TRPM3: variants seen among roughly 807,000 people sequenced by gnomAD.
TRPM3 encodes the protein transient receptor potential cation channel subfamily M member 3.
In TRPM3, 77 loss-of-function variants were observed where a neutral mutation model predicts 181.2. The ratio of observed to expected loss-of-function variants is 0.42; its 90% CI spans 0.35 to 0.51. The LOEUF is 0.51. TRPM3 is among the 20% of genes least tolerant of loss of function. The pLI is 0.01. For missense variants in TRPM3, 1,759 were observed against 2,196.7 expected, an observed-to-expected ratio of 0.80 and a Z score of 3.98; for synonymous variants, 745 against 796.4, an observed-to-expected ratio of 0.94 and a Z score of 1.09.
At chr9:71,249,550 T>C (rs1367133207) in intron 1 of TRPM3, among the ~76,000 whole-genome samples, 1 of 152,126 alleles carries the variant, frequency 6.6e-6, no homozygotes, top group Non-Finnish European at 1.5e-5. Context: ...ACAAATACGC[T>C]AACCAGTATT....
At chr9:71,240,123 A>G (rs2081579732) in intron 1 of TRPM3, among the ~76,000 whole-genome samples, 1 of 152,212 alleles carries the variant, frequency 6.6e-6, no homozygotes, top group Non-Finnish European at 1.5e-5. Context: ...GTGCATCTTG[A>G]AATTTATTAC....
intron 1 of TRPM3, among the ~76,000 whole-genome samples, chr9:71,303,292 C>G (rs11142795): frequency 0.11 from 16,027 of 152,184 alleles, 989 homozygotes; most frequent in South Asian, 0.14. Context: ...TTTTCCTCCA[C>G]CATCAACAGA....
intron 1 of TRPM3, among the ~76,000 whole-genome samples, chr9:71,363,379 C>A (rs145859826): frequency 2.8e-4 from 42 of 152,146 alleles, no homozygotes; most frequent in Admixed American, 2.8e-3. Flanking sequence ...TGGGAGATTA[C>A]AATTACCATT....
intron 1 of TRPM3, among the ~76,000 whole-genome samples, chr9:71,283,495 G>A (rs570283681): frequency 6.6e-6 from 1 of 152,036 alleles, no homozygotes; most frequent in South Asian, 2.1e-4. Context: ...TAGTAGAGAT[G>A]GGGTTTCACC....
At chr9:71,201,703 G>A (rs184162414) in intron 1 of TRPM3, among the ~76,000 whole-genome samples, 16 of 152,068 alleles carry the variant, frequency 1.1e-4, no homozygotes, top group African/African-American at 3.6e-4. Context: ...TGTAGTTCTC[G>A]AGCCTTGGCT....
chr9:71,048,727 A>C (rs1404383620), intron 1 of TRPM3, among the ~76,000 whole-genome samples: 2 of 152,180 alleles, frequency 1.3e-5, no homozygotes, highest in Non-Finnish European at 2.9e-5. Context: ...GAAAAATTGC[A>C]GGAAATCACA....
intron 7 of TRPM3, among the ~76,000 whole-genome samples, chr9:70,771,943 T>C (rs2080356307): frequency 6.6e-6 from 1 of 152,198 alleles, no homozygotes; most frequent in South Asian, 2.1e-4. Context: ...TTTTGTCTAT[T>C]TGGTTTACTA....
chr9:70,787,763 C>CTTTTTTTTTTTTTTTTTTTTGT (rs2084054300), intron 6 of TRPM3, among the ~76,000 whole-genome samples: 79 of 68,550 alleles, frequency 1.2e-3, no homozygotes, highest in South Asian at 1.7e-3. Context: ...TTTTTGGATT[C>CTTTTTTTTTTTTTTTTTTTTGT]TTTTTTTTTT....
chr9:71,017,876 A>G (rs2097797418), intron 1 of TRPM3, among the ~76,000 whole-genome samples: 1 of 151,902 alleles, frequency 6.6e-6, no homozygotes, highest in South Asian at 2.1e-4. Context: ...ATGGTTGCAT[A>G]TATGTTCTTT....
At chr9:71,119,898 TC>T in intron 1 of TRPM3, among the ~76,000 whole-genome samples, 1 of 152,250 alleles carries the variant, frequency 6.6e-6, no homozygotes, top group African/African-American at 2.4e-5. Flanking sequence ...CTGCCTTTCC[TC>T]CTAAATAGTC....
chr9:71,436,671 A>C (rs1162847102), intron 1 of TRPM3, among the ~76,000 whole-genome samples: 3 of 152,100 alleles, frequency 2.0e-5, no homozygotes, highest in Non-Finnish European at 4.4e-5. Flanking sequence ...TAAGACAGGG[A>C]CCATGAGCCA....
chr9:71,326,224 T>C (rs1041990436), intron 1 of TRPM3, among the ~76,000 whole-genome samples: 1 of 152,150 alleles, frequency 6.6e-6, no homozygotes, highest in African/African-American at 2.4e-5. Flanking sequence ...TGTCCTACAT[T>C]TCTAAGAAAG....
In TRPM3 at chr9:71,035,068, A is replaced by T. The variant is rs550364440; in HGVS notation, c.177+86110T>A. On this transcript the variant is annotated intron_variant, in intron 1 of 25. Transcript: ENST00000677713. ...CCCATCCTGTTGGAAATTCCAGCCC[A>T]ATTCTTTCCTTTAGCAGGCCAACTC... is the stretch of plus-strand genomic sequence containing the variant. Among the ~76,000 whole-genome samples the T allele has an allele frequency of 9.9e-5, 15 of 152,132 alleles. 1 individual carries two copies. The highest frequency in any genetic ancestry group is 1.9e-4 in the Non-Finnish European group (13 of 68,022).
intron 1 of TRPM3, among the ~76,000 whole-genome samples, chr9:71,328,965 T>G (rs1277996453): frequency 6.6e-6 from 1 of 152,220 alleles, no homozygotes; most frequent in Non-Finnish European, 1.5e-5. Flanking sequence ...TAATCAAAAG[T>G]GTAGACTTCA....
At chr9:70,584,636 C>A (rs1384673634) in intron 22 of TRPM3, among the ~76,000 whole-genome samples, 5 of 152,188 alleles carry the variant, frequency 3.3e-5, no homozygotes, top group African/African-American at 1.2e-4. Context: ...ATTGCCTGAC[C>A]ACAACATCGT....
intron 3 of TRPM3, among the ~76,000 whole-genome samples, chr9:70,856,090 T>C (rs1356364762): frequency 6.6e-6 from 1 of 152,176 alleles, no homozygotes; most frequent in African/African-American, 2.4e-5. Context: ...AGTAAGCATA[T>C]AAACTAGTCA....
intron 5 of TRPM3, among the ~76,000 whole-genome samples, chr9:70,832,038 T>TA (rs1174437214): frequency 0.018 from 1,876 of 106,908 alleles, 47 homozygotes; most frequent in East Asian, 0.078. Context: ...AATTAAAAAT[T>TA]AAAAAAAAAA....
chr9:70,997,487 G>A (rs777678566), intron 1 of TRPM3, among the ~76,000 whole-genome samples: 2 of 152,134 alleles, frequency 1.3e-5, no homozygotes, highest in East Asian at 1.9e-4. Flanking sequence ...GAGCCACCGC[G>A]CCCGGCCCTA....
At chr9:71,261,464 C>G (rs907202151) in intron 1 of TRPM3, among the ~76,000 whole-genome samples, 26 of 152,128 alleles carry the variant, frequency 1.7e-4, no homozygotes, top group African/African-American at 6.0e-4. Context: ...TCCTTTAGCT[C>G]GGAGCCATTT....
Sources: gnomAD v4.1 joint callset for allele counts (sites outside exome capture counted in the v4.1 genomes callset) on GRCh38, gnomAD v4.1.1 for gene constraint, MANE v1.5 for transcripts, NCBI Gene and HGNC (gene_info 2026-07-23, HGNC 2026-07-21) for gene names.